Variants in PTPRG observed in about 807,000 individuals in gnomAD.
PTPRG encodes protein tyrosine phosphatase receptor type G.
PTPRG carries 102 observed loss-of-function variants against 165.3 expected under a neutral mutation model. That is an observed-to-expected ratio of 0.62 (90% confidence interval 0.53 to 0.73). PTPRG has a LOEUF of 0.73. PTPRG is among the 30% of genes least tolerant of loss of function. The pLI is 0.00. For missense variants in PTPRG, 1,866 were observed against 1,861.4 expected (o/e 1.00, Z -0.05); for synonymous variants, 675 against 669.5 (o/e 1.01, Z -0.13).
At chr3:61,589,746 T>A (rs996540490) in intron 1 of PTPRG, among the ~76,000 whole-genome samples, 4 of 151,094 alleles carry the variant, frequency 2.6e-5, no homozygotes, top group Admixed American at 1.3e-4. Flanking sequence ...TAGTGAAGAG[T>A]TGTCGGGTGG....
rs573704967 is a variant in PTPRG, at chr3:62,234,488, C to T, written c.2375+3177C>T. Among the ~76,000 whole-genome samples the T allele has an allele frequency of 1.8e-4, 28 of 152,078 alleles. No homozygotes were observed. In the East Asian group the frequency reaches 5.2e-3, roughly 28 times the overall value. ...ATTTCCCTACAGCCAACCCAGCACA[C>T]TGCATTGTCAAACTTTGGCCTTTTT... On this transcript the variant is annotated intron_variant, in intron 14 of 29. Transcript: ENST00000474889.
At chr3:61,738,971 CTTTTT>C (rs1174097640) in intron 1 of PTPRG, among the ~76,000 whole-genome samples, 1 of 43,684 alleles carries the variant, frequency 2.3e-5, no homozygotes, top group Non-Finnish European at 4.5e-5. Flanking sequence ...TGCTCTGTTG[CTTTTT>C]TTTTTTTTTT....
intron 5 of PTPRG, among the ~76,000 whole-genome samples, chr3:62,131,063 A>G (rs951307464): frequency 6.6e-6 from 1 of 152,180 alleles, no homozygotes; most frequent in African/African-American, 2.4e-5. Flanking sequence ...ACATTAAGAT[A>G]TAATCACTAT....
At chr3:62,123,379 A>G (rs1703153724) in intron 5 of PTPRG, among the ~76,000 whole-genome samples, 1 of 152,200 alleles carries the variant, frequency 6.6e-6, no homozygotes, top group Non-Finnish European at 1.5e-5. Context: ...TGGGGTAGCT[A>G]GGACTATAGA....
intron 17 of PTPRG, chr3:62,263,593 T>C (rs1389212481): frequency 6.6e-6 from 1 of 152,418 alleles, no homozygotes; most frequent in Non-Finnish European, 1.5e-5. Context: ...ACATATACCA[T>C]GGTAAGGACA....
chr3:62,019,720 A>T (rs1464726162), intron 4 of PTPRG, among the ~76,000 whole-genome samples: 1 of 152,192 alleles, frequency 6.6e-6, no homozygotes, highest in East Asian at 1.9e-4. Flanking sequence ...GAGTCATTCC[A>T]CAATATATTT....
intron 1 of PTPRG, among the ~76,000 whole-genome samples, chr3:61,621,971 C>T (rs904007993): frequency 2.0e-5 from 3 of 152,182 alleles, no homozygotes; most frequent in Non-Finnish European, 2.9e-5. Context: ...TCTCCACAGT[C>T]CCTGTCCTTC....
At chr3:61,814,680 G>T (rs913771479) in intron 2 of PTPRG, among the ~76,000 whole-genome samples, 12 of 151,830 alleles carry the variant, frequency 7.9e-5, no homozygotes, top group South Asian at 6.3e-4. Context: ...AGCAAAAGGA[G>T]AAGTAACCTG....
At chr3:62,275,614 A>G (rs1702205047) in intron 23 of PTPRG, among the ~76,000 whole-genome samples, 1 of 152,170 alleles carries the variant, frequency 6.6e-6, no homozygotes. Flanking sequence ...AATTTTAAAA[A>G]TTAGCTGGTT....
intron 8 of PTPRG, among the ~76,000 whole-genome samples, chr3:62,178,382 G>T (rs1365804424): frequency 1.3e-5 from 2 of 152,238 alleles, no homozygotes; most frequent in East Asian, 3.9e-4. Flanking sequence ...GGACATGTAT[G>T]ATGTAGCCCA....
intron 5 of PTPRG, among the ~76,000 whole-genome samples, chr3:62,099,944 G>A (rs751392253): frequency 7.9e-5 from 12 of 151,798 alleles, no homozygotes; most frequent in East Asian, 1.9e-4. Context: ...GACTACAGGC[G>A]TGCACCACCA....
intron 8 of PTPRG, among the ~76,000 whole-genome samples, chr3:62,173,858 C>A (rs769601405): frequency 1.2e-4 from 18 of 152,162 alleles, no homozygotes; most frequent in Non-Finnish European, 1.6e-4. Context: ...AATACAGAAT[C>A]CAGCCTTTCG....
intron 4 of PTPRG, among the ~76,000 whole-genome samples, chr3:62,014,170 TGAAA>T (rs2041488364): frequency 1.3e-5 from 2 of 152,284 alleles, no homozygotes; most frequent in South Asian, 4.1e-4. Context: ...GAGTCAAGTT[TGAAA>T]GAAAGTCTAT....
At chr3:62,033,136 T>C (rs1444501207) in intron 4 of PTPRG, among the ~76,000 whole-genome samples, 1 of 152,110 alleles carries the variant, frequency 6.6e-6, no homozygotes, top group African/African-American at 2.4e-5. Context: ...CTCTTTCCCC[T>C]TTTCTCTCTG....
rs1703078149 is a variant in PTPRG, at chr3:62,296,768, T to C, written c.*3461T>C. On this transcript the variant is annotated 3_prime_UTR_variant, in exon 30 of 30. Coordinates refer to ENST00000474889, the MANE Select transcript of PTPRG (RefSeq NM_002841.4). ...TAGAAAGAAGAAGGCATGCTACAAA[T>C]AGGAAGGAATTGTAATAATGATATT... The C allele has an allele frequency of 6.6e-6, 1 of 151,808 alleles. No individual in the cohort carries two copies. Among genetic ancestry groups the C allele is most frequent in the African/African-American group, 2.4e-5 (1 of 41,356 alleles). The allele number at this position is 151,808 out of a possible 1,614,324, so 9.4% of individuals were successfully genotyped here.
At chr3:62,091,658 T>C (rs1318704460) in intron 5 of PTPRG, among the ~76,000 whole-genome samples, 1 of 152,172 alleles carries the variant, frequency 6.6e-6, no homozygotes, top group East Asian at 1.9e-4. Flanking sequence ...TCCTGTGAGC[T>C]TCCTTATTAG....
At chr3:62,021,153 CTG>C (rs1040341286) in intron 4 of PTPRG, among the ~76,000 whole-genome samples, 3 of 152,300 alleles carry the variant, frequency 2.0e-5, no homozygotes, top group African/African-American at 7.2e-5. Context: ...GGGAATTAAA[CTG>C]TAATACTTAG....
At chr3:61,729,812 G>A (rs910144002) in intron 1 of PTPRG, among the ~76,000 whole-genome samples, 2 of 151,944 alleles carry the variant, frequency 1.3e-5, no homozygotes, top group Admixed American at 1.3e-4. Context: ...CCTATTTAAT[G>A]TACTCTGCTC....
intron 2 of PTPRG, among the ~76,000 whole-genome samples, chr3:61,797,368 G>C (rs1176048018): frequency 6.6e-6 from 1 of 152,074 alleles, no homozygotes; most frequent in Non-Finnish European, 1.5e-5. Flanking sequence ...TAAAATCATT[G>C]GTGTCTGACT....
Sources: gnomAD v4.1 joint callset for allele counts (sites outside exome capture counted in the v4.1 genomes callset) on GRCh38, gnomAD v4.1.1 for gene constraint, MANE v1.5 for transcripts, NCBI Gene and HGNC (gene_info 2026-07-23, HGNC 2026-07-21) for gene names.